The following GALNT12 variants were observed in gnomAD, a reference collection of about 807,000 sequenced individuals.
The protein encoded by GALNT12 is UDP-GalNAc:polypeptide N-acetylgalactosaminyltransferase 12.
A neutral mutation model predicts 55.5 loss-of-function variants in GALNT12; 45 were observed. That is an observed-to-expected ratio of 0.81 (90% CI 0.64 to 1.04). GALNT12 has a LOEUF of 1.04. GALNT12 is among the 50% of genes least tolerant of loss of function. The pLI, the probability that GALNT12 is intolerant of heterozygous loss-of-function variation, is 0.00. For missense variants in GALNT12, 709 were observed against 754.8 expected (o/e 0.94, Z 0.71); for synonymous variants, 304 against 312.2 (o/e 0.97, Z 0.28).
At chr9:98,848,759 C>T (rs1836477257) in intron 9 of GALNT12, 193 bp from the exon 10 acceptor site, 7 of 657,344 alleles carry the variant, frequency 1.1e-5, no homozygotes, top group East Asian at 2.8e-5. Flanking sequence ...GAGAGGCAAG[C>T]GGGACGCAGC....
intron 3 of GALNT12, among the ~76,000 whole-genome samples, chr9:98,827,998 G>T (rs1001236984): frequency 1.6e-4 from 25 of 152,010 alleles, no homozygotes; most frequent in Non-Finnish European, 3.1e-4. Flanking sequence ...TCGTCTCTCT[G>T]CCCTTTCTGT....
At position 98,849,809 on chromosome 9, in the gene GALNT12, C is replaced by G; in HGVS notation, c.*717C>G. ...CCGCACTGTAGTGTGGCTGGTTCTA[C>G]CACTATGACTTTAAAACATGTTTAT... On this transcript the variant is annotated 3_prime_UTR_variant, in exon 10 of 10. Coordinates refer to ENST00000375011, the MANE Select transcript of GALNT12 (RefSeq NM_024642.5). 2.6e-6 allele frequency: 1 copy of G among 386,462 alleles called. No homozygotes were observed. Among genetic ancestry groups the G allele is most frequent in the Non-Finnish European group, 4.6e-6 (1 of 219,424 alleles). 23.9% of individuals were successfully genotyped at this position (386,462 alleles called of 1,614,324 possible). A position where few individuals can be genotyped will look rare whatever the true frequency, so the allele number is the denominator to read the frequency against.
intron 1 of GALNT12, among the ~76,000 whole-genome samples, chr9:98,821,041 T>G (rs1175293351): frequency 5.3e-5 from 8 of 152,312 alleles, no homozygotes; most frequent in Non-Finnish European, 1.0e-4. Flanking sequence ...GGAGTGGTGT[T>G]GACACAGATG....
chr9:98,844,122 C>G lies in GALNT12; in HGVS notation c.1371C>G (p.Tyr457Ter). The G allele has an allele frequency of 1.2e-6, 2 of 1,613,544 alleles. No homozygotes were observed. Among genetic ancestry groups the G allele is most frequent in the Non-Finnish European group, 1.7e-6 (2 of 1,179,446 alleles). Reference protein sequence around the residue: ...GMLQNKGLTDYCFDYNPPDEN... With the variant: ...GMLQNKGLTD ...TCCAGAACAAAGGACTAACAGACTA[C>G]TGCTTTGACTATAACCCTCCCGATG... is the stretch of plus-strand genomic sequence containing the variant. Residue 457 changes from tyrosine (Y) to a stop codon, truncating the protein, a stop_gained, in exon 8 of 10, where the codon TAC becomes TAG. Coordinates refer to ENST00000375011, the MANE Select transcript of GALNT12 (RefSeq NM_024642.5). LOFTEE classifies it high-confidence loss of function.
intron 7 of GALNT12, among the ~76,000 whole-genome samples, chr9:98,840,711 C>T (rs1162509849): frequency 6.6e-6 from 1 of 152,130 alleles, no homozygotes; most frequent in African/African-American, 2.4e-5. Flanking sequence ...ATGTTACATT[C>T]TATTTTCATT....
chr9:98,844,532 T>A, intron 8 of GALNT12: 1 of 346,580 alleles, frequency 2.9e-6, no homozygotes, highest in South Asian at 2.6e-5. Flanking sequence ...CACTTGATAT[T>A]TCATTTTGTA....
At chr9:98,835,895 C>A (rs911527749) in intron 5 of GALNT12, among the ~76,000 whole-genome samples, 1 of 152,078 alleles carries the variant, frequency 6.6e-6, no homozygotes, top group African/African-American at 2.4e-5. Flanking sequence ...GCCATCATGC[C>A]CGGCTAATTT....
At chr9:98,813,060 T>C (rs188560009) in intron 1 of GALNT12, among the ~76,000 whole-genome samples, 1 of 152,372 alleles carries the variant, frequency 6.6e-6, no homozygotes, top group East Asian at 1.9e-4. Context: ...CCATTTTCTC[T>C]GCTCACTATT....
At chr9:98,838,712 A>G (rs1404312888) in intron 6 of GALNT12, among the ~76,000 whole-genome samples, 5 of 152,196 alleles carry the variant, frequency 3.3e-5, no homozygotes, top group Admixed American at 6.5e-5. Context: ...CTGCATTTGC[A>G]TAACTAGTAG....
Position 98,817,000 on chromosome 9 carries a change from ATT to A in GALNT12, c.372-6250_372-6249del, listed in dbSNP as rs1025057294. Reference sequence around the variant, plus strand: ...CCACCACGCCTGGCTAATTTTTTGTATTTTTTTAGTAGAGACGGGGTTTCACC... The same window carrying A: ...CCACCACGCCTGGCTAATTTTTTGTATTTTTAGTAGAGACGGGGTTTCACC... On this transcript the variant is annotated intron_variant, in intron 1 of 9. Coordinates refer to ENST00000375011, the MANE Select transcript of GALNT12 (RefSeq NM_024642.5). Among the ~76,000 whole-genome samples the A allele has an allele frequency of 4.6e-5, 7 of 151,256 alleles. No individual in the cohort carries two copies. The East Asian group carries it at 1.2e-3, about 25-fold the overall frequency.
At chr9:98,826,673 C>T (rs1213818437) in intron 2 of GALNT12, 79 bp from the exon 3 acceptor site, 1 of 1,396,684 alleles carries the variant, frequency 7.2e-7, no homozygotes, top group Non-Finnish European at 9.9e-7. Context: ...GACAGGGAGG[C>T]CCAGAAGGCC....
intron 1 of GALNT12, among the ~76,000 whole-genome samples, chr9:98,813,501 A>AGGT (rs1835539722): frequency 2.0e-5 from 3 of 148,474 alleles, no homozygotes; most frequent in Non-Finnish European, 3.0e-5. Flanking sequence ...CATTTAAAAA[A>AGGT]TTTTTTTTTT....
intron 1 of GALNT12, 26 bp downstream of exon 1, chr9:98,808,095 GC>G: frequency 6.5e-7 from 1 of 1,540,794 alleles, no homozygotes. Flanking sequence ...TGGGGAGGAA[GC>G]CCGCCCTCAG....
Position 98,826,764 on chromosome 9 carries a change from A to C in GALNT12, c.554A>C (p.Glu185Ala). ...DDYSDREHLK[E>A]RLANELSGLP... ...TTTGCCTCCCTAGAGCACCTGAAGG[A>C]GCGCTTGGCCAATGAGCTTTCGGGA... The change falls in exon 3 of 10, where the codon GAG becomes GCG. Residue 185 changes from glutamate to alanine, a missense_variant. This residue lies in a region of GALNT12 where 315 missense variants were observed against 288.6 expected (regional missense o/e 1.09). Transcript: ENST00000375011. 1 of 1,611,376 alleles carries C rather than the reference A, an allele frequency of 6.2e-7. No individual in the cohort carries two copies. Among genetic ancestry groups the C allele is most frequent in the Non-Finnish European group, 8.5e-7 (1 of 1,179,774 alleles).
chr9:98,840,116 C>G lies in GALNT12; in HGVS notation c.1327C>G (p.Pro443Ala), dbSNP rs201667596. Residue 443 changes from proline to alanine, a missense_variant, in exon 7 of 10, where the codon CCT (proline) becomes GCT (alanine). This residue lies in a region of GALNT12 where 262 missense variants were observed against 310.7 expected (regional missense o/e 0.84). Coordinates refer to ENST00000375011, the MANE Select transcript of GALNT12 (RefSeq NM_024642.5). ...YPELHVPEDR[P>A]GFFGMLQNKG... ...AGAACTGCATGTGCCTGAGGACAGGCCTGGCTTCTTCGGGATGGTGAGTGA... is the reference window on the plus strand; with the variant it reads ...AGAACTGCATGTGCCTGAGGACAGGGCTGGCTTCTTCGGGATGGTGAGTGA... The G allele has an allele frequency of 4.3e-6, 7 of 1,613,834 alleles. No individual in the cohort carries two copies. The highest frequency in any genetic ancestry group is 5.9e-6 in the Non-Finnish European group (7 of 1,179,990).
At chr9:98,827,828 G>C (rs1299085905) in intron 3 of GALNT12, among the ~76,000 whole-genome samples, 4 of 152,056 alleles carry the variant, frequency 2.6e-5, no homozygotes, top group Non-Finnish European at 5.9e-5. Flanking sequence ...ATAGAGGAAG[G>C]GTCCCTGAAA....
chr9:98,810,597 G>A (rs971000178), intron 1 of GALNT12, among the ~76,000 whole-genome samples: 3 of 152,180 alleles, frequency 2.0e-5, no homozygotes, highest in African/African-American at 7.2e-5. Flanking sequence ...TTTATCAGAG[G>A]AAAGGAGTTG....
At chr9:98,809,184 G>C (rs1236370832) in intron 1 of GALNT12, among the ~76,000 whole-genome samples, 1 of 152,186 alleles carries the variant, frequency 6.6e-6, no homozygotes, top group Admixed American at 6.5e-5. Context: ...ATGGTACCTT[G>C]GCCAGAGAGA....
chr9:98,811,739 A>G (rs1360141999), intron 1 of GALNT12, among the ~76,000 whole-genome samples: 1 of 149,994 alleles, frequency 6.7e-6, no homozygotes, highest in Admixed American at 6.7e-5. Context: ...CTGGAGTACA[A>G]TGGTGCGATC....
Sources: gnomAD v4.1 joint callset for allele counts (sites outside exome capture counted in the v4.1 genomes callset) on GRCh38, gnomAD v4.1.1 for gene constraint, gnomAD v4.1.1 regional missense constraint, MANE v1.5 for transcripts, NCBI Gene and HGNC (gene_info 2026-07-23, HGNC 2026-07-21) for gene names.